The following ADAMTSL3 variants were observed in gnomAD, a reference collection of about 807,000 sequenced individuals.
ADAMTSL3 encodes the protein ADAMTS-like protein 3.
A neutral mutation model predicts 201.7 loss-of-function variants in ADAMTSL3; 128 were observed. That is an observed-to-expected ratio of 0.63 (90% CI 0.55 to 0.73). ADAMTSL3 has a LOEUF of 0.73. Among genes scored for constraint, ADAMTSL3 ranks in the 30% least tolerant of loss-of-function variants. The probability of loss-of-function intolerance (pLI) is 0.00; values close to 1 mark genes in which losing one functional copy is unlikely to be tolerated. For missense variants in ADAMTSL3, 1,990 were observed against 2,119.6 expected, an observed-to-expected ratio of 0.94 and a Z score of 1.20; for synonymous variants, 738 against 748.4, an observed-to-expected ratio of 0.99 and a Z score of 0.23.
intron 23 of ADAMTSL3, 26 bp from the exon 24 acceptor site, chr15:84,014,516 T>C: frequency 6.2e-7 from 1 of 1,603,564 alleles, no homozygotes. Flanking sequence ...GGAATTGCCT[T>C]TGTCATATTT....
rs1305026027 is a variant in ADAMTSL3 at position 83,884,338 on chromosome 15, C to CCTTTTTTT, written c.961-763_961-762insCTTTTTTT. Among the ~76,000 whole-genome samples the CCTTTTTTT allele has an allele frequency of 7.0e-5, 8 of 114,482 alleles. 2 individuals are homozygous for CCTTTTTTT. Among genetic ancestry groups the CCTTTTTTT allele is most frequent in the African/African-American group, 6.9e-5 (2 of 28,890 alleles). 75.1% of individuals were successfully genotyped at this position (114,482 alleles called of 152,430 possible). A position where few individuals can be genotyped will look rare whatever the true frequency, so the allele number is the denominator to read the frequency against. ...TGTTACCTCATTGGTGCCCTATTTC[C>CCTTTTTTT]TTTTTTTTTTTTTTTTTTTTTTGAG... On this transcript the variant is annotated intron_variant, in intron 9 of 29. Coordinates refer to ENST00000286744, the MANE Select transcript of ADAMTSL3 (RefSeq NM_207517.3).
rs1244735205 is a variant in ADAMTSL3 at position 83,983,299 on chromosome 15, C to A, written c.3671C>A (p.Thr1224Lys). Residue 1224 changes from threonine to lysine, a missense_variant, in exon 21 of 30, where the codon ACA becomes AAA. Physicochemically the swap from Thr to Lys is moderately conservative, Grantham distance 78. Transcript: ENST00000286744. ...GACCTTATTACCCCCAGTGAGGCCA[C>A]ATATACATGGACCAAGGATGGAACC... is the stretch of plus-strand genomic sequence containing the variant. ...LCDLITPSEA[T>K]YTWTKDGTLL... 6.3e-7 allele frequency: 1 copy of A among 1,585,410 alleles called. No homozygotes were observed. Among genetic ancestry groups the A allele is most frequent in the South Asian group, 1.2e-5 (1 of 85,748 alleles).
At chr15:83,822,950 C>T (rs962810293) in intron 6 of ADAMTSL3, among the ~76,000 whole-genome samples, 4 of 152,028 alleles carry the variant, frequency 2.6e-5, no homozygotes, top group African/African-American at 4.8e-5. Flanking sequence ...CCCGGCACCT[C>T]GGGAGGCGGA....
intron 28 of ADAMTSL3, 93 bp downstream of exon 28, chr15:84,031,525 C>T: frequency 9.1e-7 from 1 of 1,100,806 alleles, no homozygotes; most frequent in East Asian, 2.4e-5. Flanking sequence ...TTTCTAGTTT[C>T]TACCAACTCT....
intron 3 of ADAMTSL3, among the ~76,000 whole-genome samples, chr15:83,737,822 A>G (rs1042374312): frequency 1.3e-5 from 2 of 152,214 alleles, no homozygotes; most frequent in South Asian, 2.1e-4. Context: ...AGAAATATCC[A>G]GAAAACACTC....
At chr15:83,877,899 T>C (rs896351899) in intron 9 of ADAMTSL3, among the ~76,000 whole-genome samples, 1 of 152,146 alleles carries the variant, frequency 6.6e-6, no homozygotes, top group Non-Finnish European at 1.5e-5. Context: ...GAAATATTGA[T>C]TTTTGTGTAT....
At chr15:83,772,386 G>A (rs1299068758) in intron 3 of ADAMTSL3, among the ~76,000 whole-genome samples, 2 of 152,080 alleles carry the variant, frequency 1.3e-5, no homozygotes, top group African/African-American at 2.4e-5. Flanking sequence ...TTAATAATGA[G>A]CTTTATTTCT....
Position 84,013,128 on chromosome 15 carries a change from C to T in ADAMTSL3, c.3974-1414C>T, listed in dbSNP as rs1355493246. Among the ~76,000 whole-genome samples, 3 of 152,168 alleles carry T rather than the reference C, an allele frequency of 2.0e-5. No homozygotes were observed. The East Asian group carries it at 5.8e-4, about 29-fold the overall frequency. ...AGTAAATTTAAGCATTTCTAGATAA[C>T]AGTTTCCTCCAAAGCCACACAATGA... is the stretch of plus-strand genomic sequence containing the variant. On this transcript the variant is annotated intron_variant, in intron 23 of 29. Transcript: ENST00000286744.
chr15:83,719,118 C>T (rs2062060648), intron 3 of ADAMTSL3, among the ~76,000 whole-genome samples: 2 of 152,152 alleles, frequency 1.3e-5, no homozygotes, highest in African/African-American at 4.8e-5. Context: ...CCCAGTACTA[C>T]CCATGTAGGA....
At chr15:83,811,366 C>T (rs1408652496) in intron 5 of ADAMTSL3, among the ~76,000 whole-genome samples, 1 of 152,170 alleles carries the variant, frequency 6.6e-6, no homozygotes, top group Non-Finnish European at 1.5e-5. Flanking sequence ...TAAAACAATT[C>T]ATTTTAAACC....
rs74026625 is a variant in ADAMTSL3 at position 83,943,104 on chromosome 15, A to G, written c.2490+22A>G. 5.8e-3 allele frequency: 9,160 copies of G among 1,580,242 alleles called. 397 individuals carry two copies. In the African/African-American group the frequency reaches 0.1, roughly 17 times the overall value. ...GAAGGTAAGGGCCAGGCTCAACTTT[A>G]TAGTCCCTTCTTTTCTGCCCCTCCT... On this transcript the variant is annotated intron_variant, in intron 19 of 29. Transcript: ENST00000286744.
intron 4 of ADAMTSL3, among the ~76,000 whole-genome samples, chr15:83,775,739 T>C (rs752146068): frequency 6.6e-6 from 1 of 152,208 alleles, no homozygotes; most frequent in African/African-American, 2.4e-5. Context: ...TTCTGAGAAA[T>C]TGCCTTTGCC....
chr15:83,793,673 C>G (rs917224125), intron 4 of ADAMTSL3, among the ~76,000 whole-genome samples: 3 of 152,116 alleles, frequency 2.0e-5, no homozygotes, highest in Admixed American at 2.0e-4. Context: ...GATGGGGTTT[C>G]ACCATGTTGG....
intron 6 of ADAMTSL3, among the ~76,000 whole-genome samples, chr15:83,837,332 GA>G (rs1000726879): frequency 3.3e-4 from 48 of 144,616 alleles, no homozygotes; most frequent in African/African-American, 7.4e-4. Flanking sequence ...AGTAAAAACA[GA>G]AAAAAAAAAG....
intron 4 of ADAMTSL3, among the ~76,000 whole-genome samples, chr15:83,803,767 T>A (rs1367879146): frequency 6.6e-6 from 1 of 152,042 alleles, no homozygotes; most frequent in Non-Finnish European, 1.5e-5. Context: ...CCCTGGAAAA[T>A]TCTCAAACTT....
chr15:83,830,381 C>T (rs1019458903), intron 6 of ADAMTSL3, among the ~76,000 whole-genome samples: 10 of 152,160 alleles, frequency 6.6e-5, no homozygotes, highest in Non-Finnish European at 1.5e-4. Flanking sequence ...GGGAGAGGTG[C>T]CCCTGATGGG....
intron 23 of ADAMTSL3, among the ~76,000 whole-genome samples, chr15:84,013,207 G>T (rs748678368): frequency 3.3e-5 from 5 of 152,298 alleles, no homozygotes; most frequent in Non-Finnish European, 7.4e-5. Context: ...AACTGGACCT[G>T]AAGTCAAAAG....
chr15:83,721,380 G>A (rs2062098060), intron 3 of ADAMTSL3, among the ~76,000 whole-genome samples: 1 of 152,182 alleles, frequency 6.6e-6, no homozygotes, highest in Admixed American at 6.5e-5. Context: ...TCATTCATGA[G>A]CATTGATTAG....
At chr15:83,768,936 C>T (rs750553899) in intron 3 of ADAMTSL3, among the ~76,000 whole-genome samples, 10 of 152,134 alleles carry the variant, frequency 6.6e-5, no homozygotes, top group Non-Finnish European at 1.0e-4. Context: ...AAAATCCAAG[C>T]GTCTTCCTGG....
Sources: allele counts gnomAD v4.1 joint callset (sites outside exome capture counted in the v4.1 genomes callset), GRCh38; gene constraint gnomAD v4.1.1; transcripts MANE v1.5; gene names NCBI Gene and HGNC (gene_info 2026-07-23, HGNC 2026-07-21).